The following CFAP54 variants were observed in gnomAD, a reference collection of about 807,000 sequenced individuals.
CFAP54 encodes cilia- and flagella-associated protein 54.
In CFAP54, 290 loss-of-function variants were observed where a neutral mutation model predicts 370.4. That is an observed-to-expected ratio of 0.78 (90% confidence interval 0.71 to 0.86). The LOEUF is 0.86. CFAP54 is among the 40% of genes least tolerant of loss of function. CFAP54 has a pLI of 0.00. For missense variants in CFAP54, 3,399 were observed against 3,528.7 expected (o/e 0.96, Z 0.93); for synonymous variants, 1,206 against 1,236.5 (o/e 0.98, Z 0.52).
chr12:96,493,371 G>A (rs1460035498), intron 1 of CFAP54, among the ~76,000 whole-genome samples: 1 of 152,192 alleles, frequency 6.6e-6, no homozygotes, highest in Non-Finnish European at 1.5e-5. Flanking sequence ...TAACTGCTGA[G>A]CACTTATATG....
chr12:96,713,147 A>G (rs1007364198), intron 48 of CFAP54, among the ~76,000 whole-genome samples: 1 of 152,184 alleles, frequency 6.6e-6, no homozygotes, highest in African/African-American at 2.4e-5. Flanking sequence ...CAAAAAACTG[A>G]AAGTAGAGCT....
At chr12:96,826,099 A>C (rs1463085324) in intron 65 of CFAP54, among the ~76,000 whole-genome samples, 2 of 145,360 alleles carry the variant, frequency 1.4e-5, no homozygotes, top group Non-Finnish European at 3.0e-5. Context: ...AAATGATAAA[A>C]TTACACTAAT....
chr12:96,787,610 T>A (rs535274931), intron 62 of CFAP54, among the ~76,000 whole-genome samples: 2 of 152,258 alleles, frequency 1.3e-5, no homozygotes, highest in Admixed American at 1.3e-4. Context: ...AGAATATGTA[T>A]TTGAAATTTG....
intron 12 of CFAP54, 36 bp from the exon 13 acceptor site, chr12:96,538,348 A>T (rs1955530468): frequency 5.4e-6 from 8 of 1,481,326 alleles, no homozygotes; most frequent in Non-Finnish European, 7.3e-6. Flanking sequence ...GTATTTTATT[A>T]TTCCTACTCA....
intron 19 of CFAP54, among the ~76,000 whole-genome samples, chr12:96,571,148 T>C (rs1032446413): frequency 4.6e-5 from 7 of 152,202 alleles, no homozygotes; most frequent in Non-Finnish European, 1.0e-4. Context: ...ATCTTTCCAT[T>C]AGTGTTTTGC....
rs370943806 is a variant in CFAP54 at position 96,821,333 on chromosome 12, G to A, written c.9096+3420G>A. Among the ~76,000 whole-genome samples the A allele has an allele frequency of 2.0e-5, 3 of 152,166 alleles. No individual in the cohort carries two copies. In the East Asian group the frequency reaches 5.8e-4, roughly 29 times the overall value. On this transcript the variant is annotated intron_variant, in intron 65 of 67. Transcript: ENST00000524981. Reference sequence around the variant, plus strand: ...GGTGTCTGAAGATAAGTGGAGGGAGGAATTTGGAGGACCTACCTTGCCTTA... The same window carrying A: ...GGTGTCTGAAGATAAGTGGAGGGAGAAATTTGGAGGACCTACCTTGCCTTA...
intron 46 of CFAP54, among the ~76,000 whole-genome samples, chr12:96,702,009 G>A (rs188393419): frequency 6.6e-6 from 1 of 152,250 alleles, no homozygotes; most frequent in East Asian, 1.9e-4. Context: ...ATCTGGGTGG[G>A]GCATAATAGT....
intron 26 of CFAP54, among the ~76,000 whole-genome samples, chr12:96,608,226 C>T (rs1189528525): frequency 6.6e-6 from 1 of 151,688 alleles, no homozygotes; most frequent in African/African-American, 2.4e-5. Context: ...CTAAAACTTC[C>T]ATTGTGTTTG....
At chr12:96,670,370 C>T (rs770396521) in intron 39 of CFAP54, among the ~76,000 whole-genome samples, 23 of 152,116 alleles carry the variant, frequency 1.5e-4, no homozygotes, top group Admixed American at 4.6e-4. Flanking sequence ...CTTACAGTCA[C>T]CTAATGAGGT....
intron 50 of CFAP54, among the ~76,000 whole-genome samples, chr12:96,722,134 C>T (rs1957763052): frequency 6.6e-6 from 1 of 152,160 alleles, no homozygotes; most frequent in Non-Finnish European, 1.5e-5. Flanking sequence ...TCAGTGCCAC[C>T]CACCAACCAC....
At chr12:96,519,183 C>T (rs1420333301) in intron 6 of CFAP54, 112 bp downstream of exon 6, 2 of 1,059,428 alleles carry the variant, frequency 1.9e-6, no homozygotes, top group Non-Finnish European at 2.6e-6. Flanking sequence ...ACTGCAACGT[C>T]CACCTCCCAG....
chr12:96,801,309 C>A (rs993498671), intron 63 of CFAP54, among the ~76,000 whole-genome samples: 1 of 152,118 alleles, frequency 6.6e-6, no homozygotes, highest in African/African-American at 2.4e-5. Flanking sequence ...ATTATTCTAT[C>A]CTGGTTGACA....
intron 60 of CFAP54, among the ~76,000 whole-genome samples, chr12:96,782,311 G>C (rs1367286146): frequency 6.6e-6 from 1 of 152,002 alleles, no homozygotes; most frequent in Non-Finnish European, 1.5e-5. Flanking sequence ...TGTTCTGGAA[G>C]TCCTACCCTG....
chr12:96,801,076 C>G lies in CFAP54; in HGVS notation c.8850+8577C>G, dbSNP rs553213569. On this transcript the variant is annotated intron_variant, in intron 63 of 67. Coordinates refer to ENST00000524981, the MANE Select transcript of CFAP54 (RefSeq NM_001306084.2). The stretch of plus-strand genomic sequence containing the variant: ...ATTGTGTGACGATGCAATTTAACAT[C>G]CCTTGATCCACCCACTTGGTCCCTT... Among the ~76,000 whole-genome samples, 327 of 152,286 alleles carry G rather than the reference C, an allele frequency of 2.1e-3. 1 individual carries two copies. Among genetic ancestry groups the G allele is most frequent in the African/African-American group, 7.0e-3 (293 of 41,572 alleles).
At chr12:96,647,190 A>T (rs1185023380) in intron 33 of CFAP54, 3 of 151,826 alleles carry the variant, frequency 2.0e-5, no homozygotes, top group African/African-American at 7.3e-5. Context: ...AAAAGAAATG[A>T]GGGCTGCGTG....
chr12:96,627,028 A>G, intron 30 of CFAP54, 89 bp downstream of exon 30: 2 of 959,504 alleles, frequency 2.1e-6, no homozygotes, highest in Non-Finnish European at 2.8e-6. Context: ...TAGACGAAAA[A>G]GAGAGTGGAG....
At chr12:96,656,587 G>A (rs747239625) in intron 36 of CFAP54, among the ~76,000 whole-genome samples, 20 of 152,290 alleles carry the variant, frequency 1.3e-4, no homozygotes, top group Non-Finnish European at 2.5e-4. Flanking sequence ...CTCCATGTTG[G>A]TCAGGCTGGT....
rs150226503 is a variant in CFAP54, at chr12:96,651,199, T to C, written c.4873-389T>C. On this transcript the variant is annotated intron_variant, in intron 35 of 67. Transcript: ENST00000524981. ...TTTTCTTTATAAAACTTCTTATTGC[T>C]TGAAATTATGTTTTTATATGTCTAC... Among the ~76,000 whole-genome samples, 4 of 152,344 alleles carry C rather than the reference T, an allele frequency of 2.6e-5. No individual in the cohort carries two copies. In the East Asian group the frequency reaches 7.7e-4, roughly 29 times the overall value.
At chr12:96,544,410 A>ATCTCTCTCTC (rs71068815) in intron 14 of CFAP54, among the ~76,000 whole-genome samples, 9 of 148,116 alleles carry the variant, frequency 6.1e-5, no homozygotes, top group African/African-American at 2.5e-5. Context: ...AAAACAGAAT[A>ATCTCTCTCTC]TCTCTCTCTC....
Sources: allele counts gnomAD v4.1 joint callset (sites outside exome capture counted in the v4.1 genomes callset), GRCh38; gene constraint gnomAD v4.1.1; transcripts MANE v1.5; gene names NCBI Gene and HGNC (gene_info 2026-07-23, HGNC 2026-07-21).